The following STK39 variants were observed in gnomAD, a reference collection of about 807,000 sequenced individuals.
The protein encoded by STK39 is STE20/SPS1-related proline-alanine-rich protein kinase.
A neutral mutation model predicts 77.8 loss-of-function variants in STK39; 20 were observed. The observed-to-expected ratio is 0.26, with a 90% CI of 0.18 to 0.37. The LOEUF is 0.37. Among genes scored for constraint, STK39 ranks in the 10% least tolerant of loss-of-function variants. STK39 has a pLI of 1.00. For synonymous variants in STK39, 246 were observed against 234.1 expected (o/e 1.05, Z -0.47); for missense variants, 479 against 656.5 (o/e 0.73, Z 2.95).
intron 2 of STK39, among the ~76,000 whole-genome samples, chr2:168,170,032 T>C (rs140428653): frequency 1.8e-3 from 267 of 152,312 alleles, no homozygotes; most frequent in African/African-American, 6.3e-3. Context: ...AAGGACATGA[T>C]GAAACTCGCC....
intron 16 of STK39, among the ~76,000 whole-genome samples, chr2:167,985,414 C>T (rs1683533350): frequency 6.6e-6 from 1 of 152,184 alleles, no homozygotes; most frequent in Admixed American, 6.5e-5. Flanking sequence ...GTAATATGTC[C>T]TGATGTTACA....
At position 168,193,306 on chromosome 2, in the gene STK39, C is replaced by G. The variant is rs77676345; in HGVS notation, c.209-11216G>C. On this transcript the variant is annotated intron_variant, in intron 1 of 17. Coordinates refer to ENST00000355999, the MANE Select transcript of STK39 (RefSeq NM_013233.3). ...CATGGTAGAAGTCTTTCTTCCCCCC[C>G]CTCTTCACACACTCTCACCCAGAAG... Among the ~76,000 whole-genome samples the G allele has an allele frequency of 4.6e-3, 707 of 152,284 alleles. 8 individuals are homozygous for G. The highest frequency in any genetic ancestry group is 0.016 in the African/African-American group (669 of 41,552).
At position 168,129,953 on chromosome 2, in the gene STK39, T is replaced by G. The variant is rs572943432; in HGVS notation, c.975-195A>C. ...TCCAGTTCTTTCCAAATACCTCTAC[T>G]GCAAAACACATAAACTCCTGTACAT... On this transcript the variant is annotated intron_variant, in intron 8 of 17. Transcript: ENST00000355999. 5.9e-5 allele frequency among the ~76,000 whole-genome samples: 9 copies of G among 152,326 alleles called. No individual in the cohort carries two copies. In the South Asian group the frequency reaches 1.4e-3, roughly 25 times the overall value.
At position 168,158,812 on chromosome 2, in the gene STK39, T is replaced by C. The variant is rs182736139; in HGVS notation, c.628+2975A>G. Among the ~76,000 whole-genome samples the C allele has an allele frequency of 2.4e-3, 373 of 152,330 alleles. 4 individuals are homozygous for C. The highest frequency in any genetic ancestry group is 8.7e-3 in the African/African-American group (361 of 41,564). On this transcript the variant is annotated intron_variant, in intron 5 of 17. Coordinates refer to ENST00000355999, the MANE Select transcript of STK39 (RefSeq NM_013233.3). The stretch of plus-strand genomic sequence containing the variant: ...AGCATTCAGAATCCAAAACCTAGCC[T>C]GACACACAGGAAGCACTCAAGACAC...
intron 10 of STK39, among the ~76,000 whole-genome samples, chr2:168,125,220 C>CAA (rs375929537): frequency 7.1e-6 from 1 of 141,504 alleles, no homozygotes; most frequent in African/African-American, 2.6e-5. Context: ...TTTTGATAAT[C>CAA]AAAAAAAAAA....
chr2:168,008,785 T>A (rs981421959), intron 16 of STK39, among the ~76,000 whole-genome samples: 1 of 151,986 alleles, frequency 6.6e-6, no homozygotes, highest in Non-Finnish European at 1.5e-5. Context: ...ATGGGAGAAC[T>A]AGGAGAGGGT....
chr2:168,235,277 A>G (rs919994314), intron 1 of STK39, among the ~76,000 whole-genome samples: 3 of 151,952 alleles, frequency 2.0e-5, no homozygotes, highest in African/African-American at 7.3e-5. Flanking sequence ...TGACCTTGGG[A>G]TCTGCCTGTC....
At chr2:168,239,246 A>T (rs1487656586) in intron 1 of STK39, among the ~76,000 whole-genome samples, 1 of 152,254 alleles carries the variant, frequency 6.6e-6, no homozygotes, top group African/African-American at 2.4e-5. Context: ...ATACATGAAC[A>T]GCAAGAGAGA....
chr2:168,031,135 T>A (rs1361681720), intron 14 of STK39, among the ~76,000 whole-genome samples: 2 of 151,806 alleles, frequency 1.3e-5, no homozygotes, highest in Admixed American at 6.6e-5. Context: ...AAGAGCGGAG[T>A]GGGTGCCTGA....
At chr2:167,976,554 T>A (rs1015837044) in intron 16 of STK39, among the ~76,000 whole-genome samples, 10 of 152,206 alleles carry the variant, frequency 6.6e-5, no homozygotes, top group South Asian at 4.1e-4. Context: ...GCCATGCCTG[T>A]AGATAACATC....
intron 16 of STK39, 83 bp from the exon 17 acceptor site, chr2:167,964,809 G>T: frequency 8.3e-7 from 1 of 1,202,556 alleles, no homozygotes. Flanking sequence ...CAGAAAATTT[G>T]ACTAATGATG....
At chr2:168,245,980 C>T (rs1375353427) in intron 1 of STK39, among the ~76,000 whole-genome samples, 1 of 151,992 alleles carries the variant, frequency 6.6e-6, no homozygotes, top group Non-Finnish European at 1.5e-5. Context: ...TATATATTTC[C>T]GTCTATGCTG....
chr2:168,052,435 T>C (rs561830306), intron 14 of STK39, among the ~76,000 whole-genome samples: 1 of 152,274 alleles, frequency 6.6e-6, no homozygotes, highest in South Asian at 2.1e-4. Flanking sequence ...GAACAAAATA[T>C]AGGAGATTAT....
chr2:168,088,194 T>A (rs777653338), intron 10 of STK39, among the ~76,000 whole-genome samples: 1 of 152,204 alleles, frequency 6.6e-6, no homozygotes, highest in Non-Finnish European at 1.5e-5. Context: ...TTTTTCAACA[T>A]ACAAATGTAT....
At chr2:168,246,767 C>T (rs1690916239) in intron 1 of STK39, among the ~76,000 whole-genome samples, 1 of 152,182 alleles carries the variant, frequency 6.6e-6, no homozygotes, top group African/African-American at 2.4e-5. Flanking sequence ...GGAGCGGCTG[C>T]GCCCGCAGAG....
At chr2:168,006,371 T>A (rs1171519444) in intron 16 of STK39, among the ~76,000 whole-genome samples, 2 of 152,236 alleles carry the variant, frequency 1.3e-5, no homozygotes, top group Admixed American at 1.3e-4. Flanking sequence ...AAAATTTATA[T>A]CACAAAGTCT....
rs35628764 is a variant in STK39 at position 168,235,443 on chromosome 2, ATT to A, written c.208+11783_208+11784del. ...ATTAGGGCAGAATCACGAGCCTGGG[ATT>A]TTTTTTTTTTTAATTATTATTATAC... is the stretch of plus-strand genomic sequence containing the variant. On this transcript the variant is annotated intron_variant, in intron 1 of 17. Coordinates refer to ENST00000355999, the MANE Select transcript of STK39 (RefSeq NM_013233.3). Among the ~76,000 whole-genome samples the A allele has an allele frequency of 2.0e-3, 288 of 147,616 alleles. 1 individual carries two copies. The highest frequency in any genetic ancestry group is 6.5e-3 in the African/African-American group (263 of 40,542).
intron 1 of STK39, among the ~76,000 whole-genome samples, chr2:168,225,897 T>C (rs1001398101): frequency 2.0e-5 from 3 of 152,138 alleles, no homozygotes; most frequent in Admixed American, 2.0e-4. Flanking sequence ...GGCAGTCAGG[T>C]GTTCTATGAA....
chr2:168,136,663 G>A (rs959655939), intron 8 of STK39, among the ~76,000 whole-genome samples: 30 of 152,298 alleles, frequency 2.0e-4, no homozygotes, highest in African/African-American at 5.5e-4. Context: ...GCTGGGCTAT[G>A]AAGGATCAAA....
Sources: gnomAD v4.1 joint callset for allele counts (sites outside exome capture counted in the v4.1 genomes callset) on GRCh38, gnomAD v4.1.1 for gene constraint, MANE v1.5 for transcripts, NCBI Gene and HGNC (gene_info 2026-07-23, HGNC 2026-07-21) for gene names.